Variants in RAB32 observed in about 807,000 individuals in gnomAD.
RAB32 encodes the protein ras-related protein Rab-32.
A neutral mutation model predicts 17.5 loss-of-function variants in RAB32; 17 were observed. The ratio of observed to expected loss-of-function variants is 0.97; its 90% confidence interval spans 0.67 to 1.46. The LOEUF is 1.46. Among genes scored for constraint, RAB32 ranks in the 40% most tolerant of loss-of-function variants. The pLI, the probability that RAB32 is intolerant of heterozygous loss-of-function variation, is 0.00. For synonymous variants in RAB32, 115 were observed against 111.1 expected (o/e 1.04, Z -0.22); for missense variants, 288 against 284.3 (o/e 1.01, Z -0.09).
intron 2 of RAB32, among the ~76,000 whole-genome samples, chr6:146,551,991 G>A (rs1480582326): frequency 6.6e-6 from 1 of 152,124 alleles, no homozygotes; most frequent in African/African-American, 2.4e-5. Context: ...TTAAAGTACT[G>A]CCTAAATGTC....
intron 1 of RAB32, among the ~76,000 whole-genome samples, chr6:146,546,091 C>T (rs1363451707): frequency 6.6e-6 from 1 of 152,080 alleles, no homozygotes; most frequent in East Asian, 1.9e-4. Context: ...TTATTAATCA[C>T]AGACCTCGAA....
chr6:146,554,076 T>A (rs1386673648), intron 2 of RAB32, among the ~76,000 whole-genome samples: 1 of 152,188 alleles, frequency 6.6e-6, no homozygotes, highest in Non-Finnish European at 1.5e-5. Flanking sequence ...TCAGTTTTTT[T>A]CACAGTGTAT....
intron 2 of RAB32, among the ~76,000 whole-genome samples, chr6:146,550,991 A>G (rs573211160): frequency 6.6e-5 from 10 of 152,272 alleles, no homozygotes; most frequent in African/African-American, 2.4e-4. Flanking sequence ...TAATCAGATT[A>G]GGTTTAGCTC....
intron 1 of RAB32, 74 bp downstream of exon 1, chr6:146,544,195 T>C (rs1193516491): frequency 1.3e-6 from 2 of 1,483,898 alleles, no homozygotes; most frequent in African/African-American, 1.4e-5. Flanking sequence ...CTTTTCTTTT[T>C]CTTTTCTGCC....
intron 2 of RAB32, among the ~76,000 whole-genome samples, chr6:146,550,678 G>A (rs188035245): frequency 2.2e-5 from 3 of 137,942 alleles, no homozygotes; most frequent in East Asian, 4.9e-4. Context: ...AATCTTAATA[G>A]TCTAGATATA....
At position 146,554,578 on chromosome 6, in the gene RAB32, A is replaced by G; in HGVS notation, c.651A>G (p.Arg217=). 1.9e-6 allele frequency: 3 copies of G among 1,613,294 alleles called. No homozygotes were observed. Among genetic ancestry groups the G allele is most frequent in the Non-Finnish European group, 2.5e-6 (3 of 1,179,656 alleles). Residue 217 remains arginine (R), a synonymous_variant, in exon 3 of 3, where the codon AGA becomes AGG. Transcript: ENST00000367495. ...DKIKLDQETL[R]AENKSQCC ...TTAAGCTAGATCAAGAGACCTTGAG[A>G]GCAGAGAACAAATCCCAGTGTTGCT...
At chr6:146,551,249 G>T (rs1779894909) in intron 2 of RAB32, among the ~76,000 whole-genome samples, 1 of 152,198 alleles carries the variant, frequency 6.6e-6, no homozygotes, top group Non-Finnish European at 1.5e-5. Context: ...AGTGATAGAA[G>T]AAAGATGAAG....
chr6:146,550,081 A>G (rs1414788529), intron 2 of RAB32, among the ~76,000 whole-genome samples: 4 of 152,224 alleles, frequency 2.6e-5, no homozygotes, highest in Admixed American at 2.0e-4. Context: ...TGGTTTTTAC[A>G]AAAGGCTAAG....
At chr6:146,547,776 CT>C (rs981621325) in intron 1 of RAB32, among the ~76,000 whole-genome samples, 5 of 145,362 alleles carry the variant, frequency 3.4e-5, no homozygotes, top group Admixed American at 6.9e-5. Context: ...TCTTTGTTAA[CT>C]TCTAGGTTTC....
intron 1 of RAB32, among the ~76,000 whole-genome samples, chr6:146,545,566 A>C (rs770454338): frequency 2.6e-5 from 4 of 152,208 alleles, no homozygotes; most frequent in Non-Finnish European, 5.9e-5. Context: ...TAACTCATTC[A>C]TTTAAGAGCA....
chr6:146,547,389 C>G (rs1421994853), intron 1 of RAB32, among the ~76,000 whole-genome samples: 3 of 151,928 alleles, frequency 2.0e-5, no homozygotes, highest in Admixed American at 6.6e-5. Context: ...TTTTTAGGAT[C>G]AACATTTTTT....
At chr6:146,546,266 C>G (rs1032680586) in intron 1 of RAB32, among the ~76,000 whole-genome samples, 8 of 152,012 alleles carry the variant, frequency 5.3e-5, no homozygotes, top group African/African-American at 1.2e-4. Flanking sequence ...GATATTGTTT[C>G]AACAGGTATT....
intron 2 of RAB32, among the ~76,000 whole-genome samples, chr6:146,551,630 C>T (rs1238641404): frequency 2.0e-5 from 3 of 150,504 alleles, no homozygotes; most frequent in Non-Finnish European, 4.4e-5. Flanking sequence ...ACTGCTTATG[C>T]GAGTGTGCAT....
rs887364783 is a variant in RAB32, at chr6:146,554,577, G to T, written c.650G>T (p.Arg217Ile). 1 of 1,613,430 alleles carries T rather than the reference G, an allele frequency of 6.2e-7. No homozygotes were observed. Among genetic ancestry groups the T allele is most frequent in the Non-Finnish European group, 8.5e-7 (1 of 1,179,734 alleles). Residue 217 changes from arginine (R) to isoleucine (I), a missense_variant, in exon 3 of 3, where the codon AGA becomes ATA. By Grantham distance (97) the Arg-to-Ile change is moderately conservative. Coordinates refer to ENST00000367495, the MANE Select transcript of RAB32 (RefSeq NM_006834.5). ...DKIKLDQETL[R>I]AENKSQCC ...ATTAAGCTAGATCAAGAGACCTTGA[G>T]AGCAGAGAACAAATCCCAGTGTTGC...
At chr6:146,552,393 G>T (rs1020119474) in intron 2 of RAB32, among the ~76,000 whole-genome samples, 5 of 152,110 alleles carry the variant, frequency 3.3e-5, no homozygotes, top group Non-Finnish European at 5.9e-5. Context: ...GCTTGTTTCA[G>T]TGCTATGAAA....
At chr6:146,550,485 T>C (rs6570767) in intron 2 of RAB32, among the ~76,000 whole-genome samples, 128,718 of 151,426 alleles carry the variant, frequency 0.85, 55,173 homozygotes, top group African/African-American at 0.96. Flanking sequence ...GGCGAAACCC[T>C]GTCTCTGCCA....
At chr6:146,550,734 G>T (rs546233798) in intron 2 of RAB32, among the ~76,000 whole-genome samples, 30 of 142,286 alleles carry the variant, frequency 2.1e-4, no homozygotes, top group Non-Finnish European at 4.0e-4. Context: ...TGGGGGGGGG[G>T]TTACGTGCAT....
chr6:146,547,474 AAAT>A (rs1305856308), intron 1 of RAB32, among the ~76,000 whole-genome samples: 2 of 152,098 alleles, frequency 1.3e-5, no homozygotes, highest in African/African-American at 4.8e-5. Context: ...AAGTTCATAT[AAAT>A]AATATTTACC....
chr6:146,546,274 A>G (rs559153388), intron 1 of RAB32, among the ~76,000 whole-genome samples: 1 of 152,274 alleles, frequency 6.6e-6, no homozygotes, highest in East Asian at 1.9e-4. Flanking sequence ...TTCAACAGGT[A>G]TTGTTGTCCC....
Sources: allele counts gnomAD v4.1 joint callset (sites outside exome capture counted in the v4.1 genomes callset), GRCh38; gene constraint gnomAD v4.1.1; transcripts MANE v1.5; gene names NCBI Gene and HGNC (gene_info 2026-07-23, HGNC 2026-07-21).